Variants in STEAP3 observed in about 807,000 individuals in gnomAD.
The protein encoded by STEAP3 is metalloreductase STEAP3.
STEAP3 carries 35 observed loss-of-function variants against 34.9 expected under a neutral mutation model. That is an observed-to-expected ratio of 1.00 (90% CI 0.76 to 1.33). STEAP3 has a LOEUF of 1.33. STEAP3 is among the 40% of genes most tolerant of loss of function. The pLI, the probability that STEAP3 is intolerant of heterozygous loss-of-function variation, is 0.00. For missense variants in STEAP3, 652 were observed against 667.6 expected (o/e 0.98, Z 0.26); for synonymous variants, 281 against 301.6 (o/e 0.93, Z 0.71).
intron 2 of STEAP3, among the ~76,000 whole-genome samples, chr2:119,236,128 C>T (rs1677088576): frequency 1.3e-5 from 2 of 152,192 alleles, no homozygotes; most frequent in South Asian, 4.1e-4. Flanking sequence ...GTAAATTTTT[C>T]CATTAGGCAG....
intron 5 of STEAP3, among the ~76,000 whole-genome samples, chr2:119,255,050 A>G (rs1349487808): frequency 1.3e-5 from 2 of 152,162 alleles, no homozygotes; most frequent in African/African-American, 4.8e-5. Context: ...TAACCTCCCA[A>G]CACATGAGGA....
At chr2:119,254,962 C>T (rs1677735018) in intron 5 of STEAP3, 114 bp downstream of exon 5, 6 of 1,332,326 alleles carry the variant, frequency 4.5e-6, no homozygotes, top group Non-Finnish European at 6.2e-6. Context: ...CACAGCAGGA[C>T]CACTCGGTGA....
chr2:119,242,806 A>T (rs1677287625), intron 2 of STEAP3, among the ~76,000 whole-genome samples: 1 of 152,184 alleles, frequency 6.6e-6, no homozygotes, highest in Non-Finnish European at 1.5e-5. Flanking sequence ...TCACACAGTT[A>T]ACATAAGGCA....
At chr2:119,237,984 G>A (rs1677139655) in intron 2 of STEAP3, among the ~76,000 whole-genome samples, 1 of 152,220 alleles carries the variant, frequency 6.6e-6, no homozygotes, top group Admixed American at 6.5e-5. Flanking sequence ...GTTCACCCCT[G>A]TTGGATGCAT....
intron 5 of STEAP3, 43 bp downstream of exon 5, chr2:119,254,891 T>A: frequency 6.3e-7 from 1 of 1,596,658 alleles, no homozygotes. Flanking sequence ...AGCGTGGCCC[T>A]GGCCCACCTC....
chr2:119,229,885 C>G (rs535957536), intron 1 of STEAP3, among the ~76,000 whole-genome samples: 1 of 133,986 alleles, frequency 7.5e-6, no homozygotes, highest in Admixed American at 7.2e-5. Context: ...TTAGACTCCG[C>G]GGAGATTCAG....
In STEAP3 at chr2:119,231,037, A is replaced by G; in HGVS notation, c.22+3A>G. On this transcript the variant is annotated splice_donor_region_variant and intron_variant, in intron 2 of 5. Transcript: ENST00000393110. The stretch of plus-strand genomic sequence containing the variant: ...GATGTCGCACCAGCCTGCTGTTGGT[A>G]AGTCTGGCTAGGACGCAGATCCAAG... The G allele has an allele frequency of 6.2e-7, 1 of 1,614,148 alleles. No individual in the cohort carries two copies. Among genetic ancestry groups the G allele is most frequent in the Non-Finnish European group, 8.5e-7 (1 of 1,180,024 alleles).
chr2:119,256,888 A>C (rs1677790188), intron 5 of STEAP3, among the ~76,000 whole-genome samples: 1 of 152,220 alleles, frequency 6.6e-6, no homozygotes, highest in African/African-American at 2.4e-5. Flanking sequence ...CCTTACAGGG[A>C]TTTTATGAGC....
intron 4 of STEAP3, among the ~76,000 whole-genome samples, chr2:119,254,461 C>T (rs1000616519): frequency 6.6e-6 from 1 of 152,138 alleles, no homozygotes; most frequent in African/African-American, 2.4e-5. Flanking sequence ...CTTTGTGCCT[C>T]ATTTCCTCCA....
At chr2:119,224,841 T>C (rs974799892) in intron 1 of STEAP3, among the ~76,000 whole-genome samples, 1 of 152,202 alleles carries the variant, frequency 6.6e-6, no homozygotes, top group Non-Finnish European at 1.5e-5. Flanking sequence ...TTGAGCACAA[T>C]ATCCCAGTTA....
chr2:119,238,879 C>T (rs775157911), intron 2 of STEAP3, among the ~76,000 whole-genome samples: 1 of 152,162 alleles, frequency 6.6e-6, no homozygotes, highest in Non-Finnish European at 1.5e-5. Flanking sequence ...GAGAGATGCA[C>T]AGAACCTCTA....
intron 4 of STEAP3, among the ~76,000 whole-genome samples, chr2:119,253,363 A>T (rs2104836461): frequency 6.6e-6 from 1 of 152,274 alleles, no homozygotes; most frequent in Admixed American, 6.5e-5. Context: ...CACTCAATGG[A>T]TGGCATTTTC....
chr2:119,247,627 C>A, intron 3 of STEAP3, 52 bp from the exon 4 acceptor site: 1 of 1,487,984 alleles, frequency 6.7e-7, no homozygotes, highest in Non-Finnish European at 8.9e-7. Context: ...TGAGGCCCTG[C>A]CCACTCCTGT....
Position 119,247,659 on chromosome 2 carries a change from G to A in STEAP3, c.523-20G>A, listed in dbSNP as rs376498742. The A allele has an allele frequency of 1.9e-5, 29 of 1,512,024 alleles. No individual in the cohort carries two copies. The highest frequency in any genetic ancestry group is 2.5e-5 in the Non-Finnish European group (28 of 1,136,974). 93.7% of individuals were successfully genotyped at this position (1,512,024 alleles called of 1,614,324 possible). ...CTGTGGCCTGTGACGCCGTCTGACT[G>A]CCCCACTTTTCTCCCGCAGGTGCCC... On this transcript the variant is annotated intron_variant, in intron 3 of 5. Coordinates refer to ENST00000393110, the MANE Select transcript of STEAP3 (RefSeq NM_182915.3).
At chr2:119,248,504 A>G (rs1489388333) in intron 4 of STEAP3, 3 of 370,366 alleles carry the variant, frequency 8.1e-6, no homozygotes, top group Non-Finnish European at 1.5e-5. Flanking sequence ...CTAAGGCGCA[A>G]AGGAAAGCAA....
chr2:119,256,469 C>A (rs748234462), intron 5 of STEAP3, among the ~76,000 whole-genome samples: 43 of 152,190 alleles, frequency 2.8e-4, no homozygotes, highest in Non-Finnish European at 5.4e-4. Context: ...CTGCAGGCTG[C>A]TCCCCTCACC....
intron 2 of STEAP3, among the ~76,000 whole-genome samples, chr2:119,241,160 A>T (rs989914693): frequency 6.6e-6 from 1 of 151,984 alleles, no homozygotes; most frequent in Non-Finnish European, 1.5e-5. Context: ...ATATTAACTC[A>T]TTTCATCCTC....
intron 4 of STEAP3, chr2:119,249,220 G>A (rs1441748522): frequency 2.0e-5 from 3 of 152,006 alleles, no homozygotes; most frequent in Admixed American, 6.6e-5. Flanking sequence ...ATTCATATGG[G>A]GCTTGGTTGC....
chr2:119,247,193 G>A lies in STEAP3; in HGVS notation c.523-486G>A, dbSNP rs1462719764. On this transcript the variant is annotated intron_variant, in intron 3 of 5. Transcript: ENST00000393110. ...GGCTTGTAGAAGGCCTTATGTGCTGGCTGAGGGCTCTACTGAGCCGAGGGA... is the reference window on the plus strand; with the variant it reads ...GGCTTGTAGAAGGCCTTATGTGCTGACTGAGGGCTCTACTGAGCCGAGGGA... Among the ~76,000 whole-genome samples the A allele has an allele frequency of 2.0e-5, 3 of 152,122 alleles. No individual in the cohort carries two copies. The East Asian group carries it at 5.8e-4, about 30-fold the overall frequency.
Sources: allele counts gnomAD v4.1 joint callset (sites outside exome capture counted in the v4.1 genomes callset), GRCh38; gene constraint gnomAD v4.1.1; transcripts MANE v1.5; gene names NCBI Gene and HGNC (gene_info 2026-07-23, HGNC 2026-07-21).